Variants in YBX1 observed in about 807,000 individuals in gnomAD.
The protein encoded by YBX1 is Y-box-binding protein 1.
Under a neutral mutation model 41.4 loss-of-function variants are expected in YBX1, and 3 were observed. The observed-to-expected ratio is 0.07, with a 90% CI of 0.03 to 0.19. The LOEUF is 0.19. Among genes scored for constraint, YBX1 ranks in the 10% least tolerant of loss-of-function variants. The pLI is 1.00. For synonymous variants in YBX1, 133 were observed against 165.8 expected (o/e 0.80, Z 1.52); for missense variants, 274 against 462.8 (o/e 0.59, Z 3.74).
rs11558133 is a variant in YBX1, at chr1:42,682,534, C to T, written c.-32C>T. On this transcript the variant is annotated 5_prime_UTR_variant, in exon 1 of 8. Transcript: ENST00000321358. The stretch of plus-strand genomic sequence containing the variant: ...ACACCCCGGGAGGAGCCGCAGCTGC[C>T]GCAGCCGGCCCCAGTCACCATCACC... 1.4e-6 allele frequency: 2 copies of T among 1,440,284 alleles called. No homozygotes were observed. Among genetic ancestry groups the T allele is most frequent in the African/African-American group, 1.5e-5 (1 of 67,096 alleles). 89.2% of individuals were successfully genotyped at this position (1,440,284 alleles called of 1,614,324 possible).
chr1:42,701,230 A>T (rs904835804), intron 7 of YBX1, among the ~76,000 whole-genome samples, 184 bp downstream of exon 7: 1 of 152,178 alleles, frequency 6.6e-6, no homozygotes, highest in African/African-American at 2.4e-5. Flanking sequence ...TATCAGAGTC[A>T]TATTTGGCCA....
chr1:42,686,472 T>A (rs1460169845), intron 2 of YBX1, among the ~76,000 whole-genome samples: 1 of 152,204 alleles, frequency 6.6e-6, no homozygotes, highest in African/African-American at 2.4e-5. Context: ...TGTCACCACA[T>A]TTAGGTGGGG....
In YBX1 at chr1:42,682,545, C is replaced by G. The variant is rs962094795; in HGVS notation, c.-21C>G. The G allele has an allele frequency of 6.9e-7, 1 of 1,450,704 alleles. No homozygotes were observed. Among genetic ancestry groups the G allele is most frequent in the South Asian group, 1.3e-5 (1 of 75,742 alleles). The allele number at this position is 1,450,704 out of a possible 1,614,324, so 89.9% of individuals were successfully genotyped here. A position where few individuals can be genotyped will look rare whatever the true frequency, so the allele number is the denominator to read the frequency against. ...GGAGCCGCAGCTGCCGCAGCCGGCC[C>G]CAGTCACCATCACCGCAACCATGAG... On this transcript the variant is annotated 5_prime_UTR_variant, in exon 1 of 8. Transcript: ENST00000321358.
At chr1:42,697,398 A>T in intron 6 of YBX1, 136 bp downstream of exon 6, 1 of 795,730 alleles carries the variant, frequency 1.3e-6, no homozygotes, top group Non-Finnish European at 1.9e-6. Context: ...CTAAGAGGTG[A>T]ACCTATTAAA....
chr1:42,700,521 C>T (rs138028208), intron 6 of YBX1, among the ~76,000 whole-genome samples: 50 of 151,374 alleles, frequency 3.3e-4, no homozygotes, highest in Non-Finnish European at 5.9e-4. Flanking sequence ...ATCACTTGAG[C>T]CTGGGAGATT....
Position 42,697,357 on chromosome 1 carries a change from T to A in YBX1, c.740+95T>A, listed in dbSNP as rs1650487496. On this transcript the variant is annotated intron_variant, in intron 6 of 7. Transcript: ENST00000321358. ...CCTCTCCTGCAGACTCATTTTTCTG[T>A]TAACACTTCACGTTTTCTTTCATCA... 3 of 1,226,650 alleles carry A rather than the reference T, an allele frequency of 2.4e-6. No homozygotes were observed. The Admixed American group carries it at 7.4e-5, about 30-fold the overall frequency. The allele number at this position is 1,226,650 out of a possible 1,614,324, so 76.0% of individuals were successfully genotyped here.
chr1:42,701,678 C>G (rs1416228245), intron 7 of YBX1, among the ~76,000 whole-genome samples: 1 of 152,172 alleles, frequency 6.6e-6, no homozygotes, highest in Non-Finnish European at 1.5e-5. Context: ...CCACATGATA[C>G]AATTACGTTC....
chr1:42,683,162 T>G (rs1452263286), intron 1 of YBX1: 1 of 651,932 alleles, frequency 1.5e-6, no homozygotes, highest in Admixed American at 2.2e-5. Context: ...GTCCGCGGCC[T>G]GCGCACACAC....
At chr1:42,695,373 TACTA>T (rs1299297977) in intron 3 of YBX1, among the ~76,000 whole-genome samples, 3 of 152,242 alleles carry the variant, frequency 2.0e-5, no homozygotes, top group East Asian at 3.8e-4. Context: ...AAAGTCTCCT[TACTA>T]ACTGTGTGAC....
Position 42,701,064 on chromosome 1 carries a change from G to A in YBX1, c.*31+18G>A. ...TCATCCGGGTAAGCAAGCTTGGATG[G>A]CCATCCATTTATGGCAGTCGTGAGT... On this transcript the variant is annotated intron_variant, in intron 7 of 7. Coordinates refer to ENST00000321358, the MANE Select transcript of YBX1 (RefSeq NM_004559.5). The A allele has an allele frequency of 6.3e-7, 1 of 1,592,332 alleles. No homozygotes were observed. The highest frequency in any genetic ancestry group is 8.6e-7 in the Non-Finnish European group (1 of 1,161,938).
In YBX1 at chr1:42,685,621, GAC is replaced by G. The variant is rs1650175501; in HGVS notation, c.230+2159_230+2160del. Among the ~76,000 whole-genome samples the G allele has an allele frequency of 3.9e-5, 6 of 152,362 alleles. No homozygotes were observed. The South Asian group carries it at 1.2e-3, about 32-fold the overall frequency. On this transcript the variant is annotated intron_variant, in intron 2 of 7. Coordinates refer to ENST00000321358, the MANE Select transcript of YBX1 (RefSeq NM_004559.5). ...CTCTTATGAGGGAGGGAGACAGACT[GAC>G]ACATAACGTGCTGTTTTCTGTATAA...
At chr1:42,688,922 A>G (rs1332395167) in intron 2 of YBX1, among the ~76,000 whole-genome samples, 4 of 152,236 alleles carry the variant, frequency 2.6e-5, no homozygotes. Context: ...TAATACATAT[A>G]AGACAGAAAA....
rs1034192828 is a variant in YBX1 at position 42,703,190 on chromosome 1, C to G, written c.*1241C>G. The stretch of plus-strand genomic sequence containing the variant: ...CCGCCCGCCTCAGCCTCCCAAAGTG[C>G]TGGGATTACAGGTGTGAGCCACCGC... On this transcript the variant is annotated 3_prime_UTR_variant, in exon 8 of 8. Transcript: ENST00000321358. Among the ~76,000 whole-genome samples the G allele has an allele frequency of 5.9e-5, 9 of 152,122 alleles. No individual in the cohort carries two copies. The highest frequency in any genetic ancestry group is 2.2e-4 in the African/African-American group (9 of 41,424).
At chr1:42,683,058 C>T (rs1317135915) in intron 1 of YBX1, 2 of 449,918 alleles carry the variant, frequency 4.4e-6, no homozygotes, top group Non-Finnish European at 8.5e-6. Flanking sequence ...TTGTTCGCGT[C>T]ACCCCCACCC....
At chr1:42,699,043 G>A (rs1650530165) in intron 6 of YBX1, among the ~76,000 whole-genome samples, 1 of 152,060 alleles carries the variant, frequency 6.6e-6, no homozygotes, top group Non-Finnish European at 1.5e-5. Context: ...GGAAAATGGG[G>A]GGTCAAAAAG....
intron 2 of YBX1, among the ~76,000 whole-genome samples, chr1:42,691,308 C>A (rs553137428): frequency 6.6e-6 from 1 of 152,284 alleles, no homozygotes; most frequent in African/African-American, 2.4e-5. Context: ...CCACAAAACA[C>A]CTCCCTGTCT....
At chr1:42,697,338 C>G in intron 6 of YBX1, 76 bp downstream of exon 6, 1 of 1,406,882 alleles carries the variant, frequency 7.1e-7, no homozygotes, top group Non-Finnish European at 9.8e-7. Flanking sequence ...CATGCCTCTC[C>G]TGCAGACTCA....
chr1:42,700,418 A>G (rs1280322566), intron 6 of YBX1, among the ~76,000 whole-genome samples: 1 of 152,122 alleles, frequency 6.6e-6, no homozygotes, highest in Non-Finnish European at 1.5e-5. Flanking sequence ...AGCCTTGGAA[A>G]CATAGCAACA....
intron 2 of YBX1, among the ~76,000 whole-genome samples, chr1:42,690,539 AG>A (rs1363233705): frequency 6.6e-6 from 1 of 152,178 alleles, no homozygotes; most frequent in Non-Finnish European, 1.5e-5. Context: ...AAAACAATGC[AG>A]GGCACTCCTG....
Sources: gnomAD v4.1 joint callset for allele counts (sites outside exome capture counted in the v4.1 genomes callset) on GRCh38, gnomAD v4.1.1 for gene constraint, MANE v1.5 for transcripts, NCBI Gene and HGNC (gene_info 2026-07-23, HGNC 2026-07-21) for gene names.